ASTN2: variants seen among roughly 807,000 people sequenced by gnomAD.
The protein encoded by ASTN2 is astrotactin 2, also known as astrotactin-2.
ASTN2 carries 54 observed loss-of-function variants against 139.8 expected under a neutral mutation model. The ratio of observed to expected loss-of-function variants is 0.39; its 90% CI spans 0.31 to 0.48. The LOEUF is 0.48. Among genes scored for constraint, ASTN2 ranks in the 20% least tolerant of loss-of-function variants. ASTN2 has a pLI of 0.95. For missense variants in ASTN2, 1,565 were observed against 1,725.1 expected, an observed-to-expected ratio of 0.91 and a Z score of 1.64; for synonymous variants, 756 against 719.5, an observed-to-expected ratio of 1.05 and a Z score of -0.81.
At chr9:117,279,069 C>T (rs1209570211) in intron 2 of ASTN2, among the ~76,000 whole-genome samples, 1 of 152,144 alleles carries the variant, frequency 6.6e-6, no homozygotes, top group Non-Finnish European at 1.5e-5. Context: ...AGAATTAAAT[C>T]AGAAATTTCT....
At position 116,487,381 on chromosome 9, in the gene ASTN2, G is replaced by A; in HGVS notation, c.3475C>T (p.Leu1159=). The A allele has an allele frequency of 6.2e-7, 1 of 1,614,018 alleles. No homozygotes were observed. The highest frequency in any genetic ancestry group is 8.5e-7 in the Non-Finnish European group (1 of 1,179,964). ...VSIYSVIFKC[L]EPDGLYKFTL... The stretch of plus-strand genomic sequence containing the variant: ...TACTTGTAGAGACCGTCGGGCTCCA[G>A]ACACTTGAAGATGACTGAGTAGATA... Residue 1159 remains leucine (L), a synonymous_variant, in exon 20 of 23, where the codon CTG becomes TTG. Transcript: ENST00000313400.
At chr9:116,438,273 T>C (rs1254862456) in intron 22 of ASTN2, among the ~76,000 whole-genome samples, 4 of 152,228 alleles carry the variant, frequency 2.6e-5, no homozygotes, top group Non-Finnish European at 5.9e-5. Flanking sequence ...GCCAGAGGGA[T>C]CTTTCTCCTT....
intron 2 of ASTN2, among the ~76,000 whole-genome samples, chr9:117,284,371 G>A (rs190019927): frequency 3.9e-5 from 6 of 152,300 alleles, no homozygotes; most frequent in Admixed American, 2.6e-4. Flanking sequence ...TTTCAAAGCG[G>A]TAGGATTACA....
At chr9:116,771,604 T>C (rs1383760028) in intron 13 of ASTN2, among the ~76,000 whole-genome samples, 2 of 152,220 alleles carry the variant, frequency 1.3e-5, no homozygotes, top group African/African-American at 4.8e-5. Context: ...ATGAATCTAA[T>C]TCATCTCAGT....
chr9:117,007,127 A>G (rs930675068), intron 7 of ASTN2, among the ~76,000 whole-genome samples: 1 of 151,998 alleles, frequency 6.6e-6, no homozygotes, highest in Non-Finnish European at 1.5e-5. Context: ...GGATATTGAC[A>G]TGGTTTATTC....
intron 3 of ASTN2, among the ~76,000 whole-genome samples, chr9:117,182,313 C>T (rs570560616): frequency 9.3e-5 from 9 of 96,708 alleles, no homozygotes; most frequent in South Asian, 4.2e-4. Flanking sequence ...GGGAAGAAAA[C>T]GACACAGACA....
At chr9:117,364,850 T>G (rs1199813550) in intron 1 of ASTN2, among the ~76,000 whole-genome samples, 1 of 151,884 alleles carries the variant, frequency 6.6e-6, no homozygotes, top group African/African-American at 2.4e-5. Flanking sequence ...TGGTGGCTCA[T>G]GCCTGTAATC....
chr9:116,765,386 T>C (rs1039681408), intron 13 of ASTN2, among the ~76,000 whole-genome samples: 9 of 152,164 alleles, frequency 5.9e-5, no homozygotes, highest in African/African-American at 2.2e-4. Context: ...AGCTCAGTAC[T>C]TTCCTTAAGC....
chr9:117,331,065 T>G (rs1828691129), intron 1 of ASTN2, among the ~76,000 whole-genome samples: 1 of 152,168 alleles, frequency 6.6e-6, no homozygotes, highest in Non-Finnish European at 1.5e-5. Context: ...GTAACCCACT[T>G]GGGTTTTCCG....
chr9:116,878,558 G>C (rs559366130), intron 10 of ASTN2, among the ~76,000 whole-genome samples: 1 of 152,128 alleles, frequency 6.6e-6, no homozygotes, highest in African/African-American at 2.4e-5. Flanking sequence ...CAGGGGGCTG[G>C]GGGAGAGACA....
Position 116,527,541 on chromosome 9 carries a change from G to A in ASTN2, c.3356-40041C>T, listed in dbSNP as rs115956763. On this transcript the variant is annotated intron_variant, in intron 19 of 22. Transcript: ENST00000313400. The stretch of plus-strand genomic sequence containing the variant: ...GAAAAGTAAATGTTGGCAAAGGTGT[G>A]GAGAAAGAAAACTTGTACACTATTT... Among the ~76,000 whole-genome samples the A allele has an allele frequency of 2.7e-3, 418 of 152,308 alleles. 4 individuals are homozygous for A. The highest frequency in any genetic ancestry group is 9.6e-3 in the African/African-American group (401 of 41,564).
chr9:116,967,663 G>A (rs1836053256), intron 10 of ASTN2, among the ~76,000 whole-genome samples: 1 of 152,186 alleles, frequency 6.6e-6, no homozygotes, highest in Non-Finnish European at 1.5e-5. Flanking sequence ...AGTCAGTTTT[G>A]CTCACCTCCA....
chr9:117,236,362 G>C (rs1337653285), intron 2 of ASTN2, among the ~76,000 whole-genome samples: 2 of 152,292 alleles, frequency 1.3e-5, no homozygotes, highest in South Asian at 4.1e-4. Context: ...GGTCCCAAAG[G>C]CTTCATCCCT....
chr9:116,511,920 G>A (rs1564331530), intron 19 of ASTN2, among the ~76,000 whole-genome samples: 1 of 152,052 alleles, frequency 6.6e-6, no homozygotes, highest in South Asian at 2.1e-4. Context: ...CTTGCTAGTG[G>A]TCTATCAATT....
chr9:117,000,633 C>T (rs1270169217), intron 7 of ASTN2, among the ~76,000 whole-genome samples: 3 of 152,060 alleles, frequency 2.0e-5, no homozygotes, highest in African/African-American at 7.2e-5. Flanking sequence ...ACTTTCTGTC[C>T]TCAGAGAGAT....
At chr9:116,530,876 A>T (rs1851313044) in intron 19 of ASTN2, among the ~76,000 whole-genome samples, 1 of 152,142 alleles carries the variant, frequency 6.6e-6, no homozygotes, top group South Asian at 2.1e-4. Context: ...ATCCCCCAAT[A>T]GCGGGGACCA....
chr9:117,267,327 C>T (rs1833959693), intron 2 of ASTN2, among the ~76,000 whole-genome samples: 3 of 152,036 alleles, frequency 2.0e-5, no homozygotes, highest in South Asian at 4.2e-4. Flanking sequence ...AAAAGGGCAT[C>T]AGTGGAGAAA....
At chr9:116,801,480 G>A (rs923036133) in intron 13 of ASTN2, among the ~76,000 whole-genome samples, 1 of 150,548 alleles carries the variant, frequency 6.6e-6, no homozygotes, top group Non-Finnish European at 1.5e-5. Flanking sequence ...TTGGGAGGCT[G>A]AGGCAGGAGA....
chr9:116,529,135 A>C (rs986788983), intron 19 of ASTN2, among the ~76,000 whole-genome samples: 2 of 152,096 alleles, frequency 1.3e-5, no homozygotes, highest in Non-Finnish European at 2.9e-5. Flanking sequence ...TGCATCATGC[A>C]CCTAGAAAAG....
Sources: allele counts gnomAD v4.1 joint callset (sites outside exome capture counted in the v4.1 genomes callset), GRCh38; gene constraint gnomAD v4.1.1; transcripts MANE v1.5; gene names NCBI Gene and HGNC (gene_info 2026-07-23, HGNC 2026-07-21).